SLC37A1: variants seen among roughly 807,000 people sequenced by gnomAD.
SLC37A1 encodes the protein glucose-6-phosphate exchanger SLC37A1.
Under a neutral mutation model 75.3 loss-of-function variants are expected in SLC37A1, and 49 were observed. The observed-to-expected ratio is 0.65, with a 90% CI of 0.52 to 0.83. SLC37A1 has a LOEUF of 0.83. SLC37A1 is among the 40% of genes least tolerant of loss of function. SLC37A1 has a pLI of 0.00. For missense variants in SLC37A1, 566 were observed against 695.0 expected, an observed-to-expected ratio of 0.81 and a Z score of 2.09; for synonymous variants, 268 against 292.1, an observed-to-expected ratio of 0.92 and a Z score of 0.84.
At chr21:42,499,786 G>A (rs561240148) in intron 1 of SLC37A1, 1 of 152,372 alleles carries the variant, frequency 6.6e-6, no homozygotes, top group African/African-American at 2.4e-5. Context: ...TAAATGGAGC[G>A]ATCCATTTCC....
At chr21:42,505,160 C>T (rs1408614846) in intron 2 of SLC37A1, among the ~76,000 whole-genome samples, 6 of 152,192 alleles carry the variant, frequency 3.9e-5, no homozygotes, top group South Asian at 2.1e-4. Flanking sequence ...CGTTGTTCTT[C>T]AGTTTAAAAT....
intron 10 of SLC37A1, among the ~76,000 whole-genome samples, chr21:42,558,599 AC>A (rs1364184287): frequency 6.6e-6 from 1 of 152,076 alleles, no homozygotes; most frequent in Non-Finnish European, 1.5e-5. Context: ...AAATCTCCCA[AC>A]CTTTTTTTTA....
intron 3 of SLC37A1, among the ~76,000 whole-genome samples, chr21:42,532,635 A>G (rs983132816): frequency 5.9e-5 from 9 of 152,194 alleles, no homozygotes; most frequent in African/African-American, 2.2e-4. Flanking sequence ...AGCTTGATAC[A>G]GAGAGGAAGG....
At chr21:42,563,514 C>T (rs888295976) in intron 12 of SLC37A1, among the ~76,000 whole-genome samples, 1 of 152,208 alleles carries the variant, frequency 6.6e-6, no homozygotes, top group Non-Finnish European at 1.5e-5. Flanking sequence ...GCGCCTTCCA[C>T]ACCTCCACTT....
intron 12 of SLC37A1, among the ~76,000 whole-genome samples, chr21:42,562,839 G>A (rs1461094842): frequency 6.6e-6 from 1 of 152,108 alleles, no homozygotes; most frequent in African/African-American, 2.4e-5. Flanking sequence ...GAGAGAGCGA[G>A]AGGAAGGAGA....
chr21:42,511,885 T>C (rs2054436378), upstream of SLC37A1, among the ~76,000 whole-genome samples: 2 of 152,012 alleles, frequency 1.3e-5, no homozygotes, highest in Admixed American at 6.6e-5. Flanking sequence ...AAGCAGAGCA[T>C]ATAATAATGG....
chr21:42,575,814 A>C, intron 18 of SLC37A1: 1 of 985,220 alleles, frequency 1.0e-6, no homozygotes, highest in African/African-American at 1.7e-5. Flanking sequence ...TCAAATACCG[A>C]CTCTCAACCT....
intron 3 of SLC37A1, among the ~76,000 whole-genome samples, chr21:42,527,465 G>A (rs951544943): frequency 1.6e-4 from 24 of 152,144 alleles, no homozygotes; most frequent in Non-Finnish European, 1.6e-4. Flanking sequence ...AGGAGGCGGC[G>A]TCAGGGTCAG....
chr21:42,516,768 C>T (rs924650354), intron 1 of SLC37A1, among the ~76,000 whole-genome samples: 11 of 152,208 alleles, frequency 7.2e-5, no homozygotes, highest in South Asian at 4.1e-4. Context: ...TAGTAGATGG[C>T]AATGGAATGT....
At chr21:42,515,790 G>T (rs768930656) in intron 1 of SLC37A1, among the ~76,000 whole-genome samples, 1 of 151,970 alleles carries the variant, frequency 6.6e-6, no homozygotes, top group Non-Finnish European at 1.5e-5. Flanking sequence ...ACAGGGTCTC[G>T]CTCTGTCGCC....
At chr21:42,562,206 G>A (rs1267553323) in intron 12 of SLC37A1, 38 bp downstream of exon 12, 2 of 1,567,852 alleles carry the variant, frequency 1.3e-6, no homozygotes, top group South Asian at 2.2e-5. Context: ...ATTCCGCACA[G>A]TGACTGGGGT....
At chr21:42,502,306 T>C (rs1236165872) in exon 2 of SLC37A1, 3 of 152,172 alleles carry the variant, frequency 2.0e-5, no homozygotes, top group African/African-American at 4.8e-5. Context: ...CTTTATAGAA[T>C]TGAGAGATTG....
chr21:42,517,142 C>A (rs1019900842), intron 1 of SLC37A1, among the ~76,000 whole-genome samples: 2 of 152,188 alleles, frequency 1.3e-5, no homozygotes, highest in Non-Finnish European at 2.9e-5. Flanking sequence ...GTGTTTGTTG[C>A]GCATTTACTA....
chr21:42,579,872 C>T, intron 19 of SLC37A1, 72 bp downstream of exon 19: 1 of 1,453,068 alleles, frequency 6.9e-7, no homozygotes, highest in Non-Finnish European at 9.6e-7. Context: ...TATCTGCCTT[C>T]TGCACCTGGC....
At chr21:42,551,586 C>T (rs1456692101) in intron 9 of SLC37A1, among the ~76,000 whole-genome samples, 1 of 152,294 alleles carries the variant, frequency 6.6e-6, no homozygotes, top group East Asian at 1.9e-4. Flanking sequence ...GTGAATGGTA[C>T]AGTATGTGAA....
At chr21:42,524,288 T>C (rs529685504) in intron 2 of SLC37A1, among the ~76,000 whole-genome samples, 9 of 150,606 alleles carry the variant, frequency 6.0e-5, no homozygotes, top group African/African-American at 1.9e-4. Context: ...CCCATTTTGT[T>C]GCCCCAAAAA....
intron 2 of SLC37A1, among the ~76,000 whole-genome samples, chr21:42,520,620 T>C (rs2054625056): frequency 6.6e-6 from 1 of 152,002 alleles, no homozygotes; most frequent in East Asian, 1.9e-4. Context: ...ATGGTCGATA[T>C]AGAAATAGAG....
At chr21:42,563,780 C>T in intron 12 of SLC37A1, 35 bp from the exon 13 acceptor site, 1 of 1,608,464 alleles carries the variant, frequency 6.2e-7, no homozygotes, top group Non-Finnish European at 8.5e-7. Context: ...TGAAGGAGAT[C>T]CTCACTGTTT....
At chr21:42,561,875 G>T (rs906881306) in intron 11 of SLC37A1, 2 of 531,144 alleles carry the variant, frequency 3.8e-6, no homozygotes, top group Non-Finnish European at 3.4e-6. Context: ...CCCCTGCTCG[G>T]GGTGAGCGCT....
Sources: gnomAD v4.1 joint callset for allele counts (sites outside exome capture counted in the v4.1 genomes callset) on GRCh38, gnomAD v4.1.1 for gene constraint, MANE v1.5 for transcripts, NCBI Gene and HGNC (gene_info 2026-07-23, HGNC 2026-07-21) for gene names.